DCAF6: variants seen among roughly 807,000 people sequenced by gnomAD.
DCAF6 encodes the protein DDB1 and CUL4 associated factor 6.
A neutral mutation model predicts 125.1 loss-of-function variants in DCAF6; 54 were observed. The ratio of observed to expected loss-of-function variants is 0.43; its 90% CI spans 0.35 to 0.54. DCAF6 has a LOEUF of 0.54. Ranked by LOEUF, DCAF6 falls within the 20% of genes least tolerant of loss-of-function variation. The probability of loss-of-function intolerance (pLI) is 0.01; values close to 1 mark genes in which losing one functional copy is unlikely to be tolerated. For synonymous variants in DCAF6, 371 were observed against 390.4 expected, an observed-to-expected ratio of 0.95 and a Z score of 0.58; for missense variants, 934 against 1,161.7, an observed-to-expected ratio of 0.80 and a Z score of 2.85.
In DCAF6 at chr1:168,045,241, T is replaced by A. The variant is rs765300814; in HGVS notation, c.2258+14T>A. 12 of 1,576,272 alleles carry A rather than the reference T, an allele frequency of 7.6e-6. No homozygotes were observed. Among genetic ancestry groups the A allele is most frequent in the Non-Finnish European group, 7.7e-6 (9 of 1,163,708 alleles). On this transcript the variant is annotated intron_variant, in intron 16 of 21. Transcript: ENST00000367840. ...ACCTGGTGATAGGTTGGTAAATTTT[T>A]AATTAACATGAACTGTAAAAAATGT...
At chr1:167,921,191 T>C in the DCAF6 span, among the ~76,000 whole-genome samples, 2 of 152,096 alleles carry the variant, frequency 1.3e-5, no homozygotes, top group Non-Finnish European at 2.9e-5. Flanking sequence ...AAAGTATAAA[T>C]ATCAGAAAAA....
At chr1:168,014,987 A>G (rs1323715233) in intron 10 of DCAF6, among the ~76,000 whole-genome samples, 1 of 152,168 alleles carries the variant, frequency 6.6e-6, no homozygotes, top group African/African-American at 2.4e-5. Flanking sequence ...ACACAAACAC[A>G]TATGTTCAAC....
At chr1:168,022,923 A>T in intron 11 of DCAF6, 65 bp from the exon 12 acceptor site, 1 of 1,412,774 alleles carries the variant, frequency 7.1e-7, no homozygotes, top group South Asian at 1.2e-5. Context: ...CTTAGAGATG[A>T]TCATGACATT....
At chr1:168,007,200 A>G (rs537342893) in intron 10 of DCAF6, among the ~76,000 whole-genome samples, 4 of 152,194 alleles carry the variant, frequency 2.6e-5, no homozygotes, top group African/African-American at 7.2e-5. Flanking sequence ...GAAAGCTCCT[A>G]TCAAAAGCTA....
intron 2 of DCAF6, among the ~76,000 whole-genome samples, chr1:167,964,879 T>A (rs1418146524): frequency 6.6e-6 from 1 of 152,248 alleles, no homozygotes; most frequent in African/African-American, 2.4e-5. Flanking sequence ...TTTTGATTGC[T>A]ACCATTTCCT....
the DCAF6 span, among the ~76,000 whole-genome samples, chr1:167,928,852 TG>T: frequency 3.9e-5 from 6 of 152,236 alleles, no homozygotes; most frequent in South Asian, 1.2e-3. Context: ...GTGGAAAATT[TG>T]AACTGCTGAA....
chr1:168,015,443 T>A lies in DCAF6; in HGVS notation c.1379-338T>A, dbSNP rs555323523. On this transcript the variant is annotated intron_variant, in intron 10 of 21. Coordinates refer to ENST00000367840, the MANE Select transcript of DCAF6 (RefSeq NM_001198956.2). ...AATCAGATGAGTTAACTGATTGTTTTCAATTTCTGTTTCTTTCCTAGTATC... is the reference window on the plus strand; with the variant it reads ...AATCAGATGAGTTAACTGATTGTTTACAATTTCTGTTTCTTTCCTAGTATC... Among the ~76,000 whole-genome samples, 8 of 152,288 alleles carry A rather than the reference T, an allele frequency of 5.3e-5. No individual in the cohort carries two copies. In the East Asian group the frequency reaches 1.3e-3, roughly 26 times the overall value.
At chr1:168,054,621 CTT>C (rs1477377774) in intron 17 of DCAF6, among the ~76,000 whole-genome samples, 1 of 148,816 alleles carries the variant, frequency 6.7e-6, no homozygotes, top group African/African-American at 2.6e-5. Flanking sequence ...TTTCTAGACT[CTT>C]ACTTATAGGA....
At chr1:168,001,452 G>C (rs1557957761) in intron 7 of DCAF6, among the ~76,000 whole-genome samples, 1 of 152,126 alleles carries the variant, frequency 6.6e-6, no homozygotes, top group African/African-American at 2.4e-5. Context: ...CTTGGCAATT[G>C]ATCATTCACT....
intron 17 of DCAF6, 119 bp from the exon 18 acceptor site, chr1:168,063,502 G>C: frequency 2.5e-6 from 2 of 786,344 alleles, no homozygotes; most frequent in Non-Finnish European, 1.8e-6. Flanking sequence ...GGTTGGGGGT[G>C]CCTTATTGAG....
chr1:167,920,693 T>G, the DCAF6 span: 1 of 1,489,920 alleles, frequency 6.7e-7, no homozygotes, highest in South Asian at 1.3e-5. Context: ...GTTTTAACTT[T>G]AAATCAAGCA....
rs532700180 is a variant in DCAF6, at chr1:168,075,439, A to G, written c.*4A>G. 6.3e-7 allele frequency: 1 copy of G among 1,592,182 alleles called. No homozygotes were observed. The highest frequency in any genetic ancestry group is 1.8e-5 in the Admixed American group (1 of 55,078). On this transcript the variant is annotated 3_prime_UTR_variant, in exon 22 of 22. Transcript: ENST00000367840. ...TGAAAATGAGGATGAGGAATAATAAACTCTTTTTGGCAAGCACTTAAATGT... is the reference window on the plus strand; with the variant it reads ...TGAAAATGAGGATGAGGAATAATAAGCTCTTTTTGGCAAGCACTTAAATGT...
the DCAF6 span, chr1:167,896,533 T>G: frequency 1.5e-6 from 2 of 1,319,492 alleles, no homozygotes; most frequent in East Asian, 4.6e-5. Context: ...CTGTCGGCAT[T>G]GATATAAGAC....
intron 11 of DCAF6, chr1:168,019,400 C>G (rs945464856): frequency 2.1e-5 from 6 of 291,486 alleles, no homozygotes; most frequent in African/African-American, 1.3e-4. Flanking sequence ...AAAATGTCCT[C>G]ATATAAAGGC....
rs1015360445 is a variant in DCAF6 at position 167,993,310 on chromosome 1, C to A, written c.773C>A (p.Ser258Tyr). 1 of 1,613,998 alleles carries A rather than the reference C, an allele frequency of 6.2e-7. No individual in the cohort carries two copies. The highest frequency in any genetic ancestry group is 1.7e-5 in the Admixed American group (1 of 60,008). Residue 258 changes from serine to tyrosine, a missense_variant, in exon 7 of 22, where the codon TCT (serine) becomes TAT (tyrosine). Around this residue, in one of 5 missense-constraint regions of DCAF6, gnomAD observed 309 missense variants for 381.2 expected, o/e 0.81. Transcript: ENST00000367840. The stretch of plus-strand genomic sequence containing the variant: ...AATAATAAGTCCTGCAGAGTGACAT[C>A]TCTGTGTTACAGTGAAGATGGTCAA... Reference protein sequence around the residue: ...HLNNKSCRVTSLCYSEDGQEI... With the variant: ...HLNNKSCRVTYLCYSEDGQEI...
At position 167,937,072 on chromosome 1, in the gene DCAF6, TG is replaced by T. The variant is rs776859560; in HGVS notation, c.97+65del. On this transcript the variant is annotated intron_variant, in intron 1 of 21. Coordinates refer to ENST00000367840, the MANE Select transcript of DCAF6 (RefSeq NM_001198956.2). ...GCCTAGAGTGGGGGAGGGGGCACGC[TG>T]CCGGGTCTGTTGGAGGTGGGACGGC... 6 of 1,403,302 alleles carry T rather than the reference TG, an allele frequency of 4.3e-6. No individual in the cohort carries two copies. The East Asian group carries it at 9.6e-5, about 22-fold the overall frequency. The allele number at this position is 1,403,302 out of a possible 1,614,324, so 86.9% of individuals were successfully genotyped here. A position where few individuals can be genotyped will look rare whatever the true frequency, so the allele number is the denominator to read the frequency against.
chr1:167,863,912 A>G, the DCAF6 span, among the ~76,000 whole-genome samples: 1 of 151,828 alleles, frequency 6.6e-6, no homozygotes, highest in African/African-American at 2.4e-5. Flanking sequence ...GCGTGCCTTT[A>G]TCAGCACTTG....
At chr1:167,884,421 G>A in the DCAF6 span, among the ~76,000 whole-genome samples, 1 of 152,056 alleles carries the variant, frequency 6.6e-6, no homozygotes, top group Non-Finnish European at 1.5e-5. Context: ...CCACCCCTAT[G>A]ATCCAATCAC....
rs113629117 is a variant in DCAF6 at position 168,017,871 on chromosome 1, T to C, written c.1549+1920T>C. 2.9e-3 allele frequency among the ~76,000 whole-genome samples: 447 copies of C among 152,284 alleles called. 1 individual carries two copies. The highest frequency in any genetic ancestry group is 0.01 in the African/African-American group (425 of 41,570). ...AGCATATTTTTCCTTCATACTTTGG[T>C]ATCTTTAGAGTATCAATTAGTGGTG... On this transcript the variant is annotated intron_variant, in intron 11 of 21. Transcript: ENST00000367840.
Sources: gnomAD v4.1 joint callset for allele counts (sites outside exome capture counted in the v4.1 genomes callset) on GRCh38, gnomAD v4.1.1 for gene constraint, gnomAD v4.1.1 regional missense constraint, MANE v1.5 for transcripts, NCBI Gene and HGNC (gene_info 2026-07-23, HGNC 2026-07-21) for gene names.